CEMIP: variants seen among roughly 807,000 people sequenced by gnomAD.
CEMIP encodes cell migration-inducing and hyaluronan-binding protein.
Under a neutral mutation model 156.9 loss-of-function variants are expected in CEMIP, and 105 were observed. The ratio of observed to expected loss-of-function variants is 0.67; its 90% CI spans 0.57 to 0.79. The LOEUF is 0.79. Among genes scored for constraint, CEMIP ranks in the 30% least tolerant of loss-of-function variants. The probability of loss-of-function intolerance (pLI) is 0.00; values close to 1 mark genes in which losing one functional copy is unlikely to be tolerated. For missense variants in CEMIP, 1,457 were observed against 1,769.4 expected (o/e 0.82, Z 3.17); for synonymous variants, 676 against 668.4 (o/e 1.01, Z -0.17).
chr15:80,782,155 C>T (rs1895815015), intron 1 of CEMIP, among the ~76,000 whole-genome samples: 1 of 152,230 alleles, frequency 6.6e-6, no homozygotes, highest in Non-Finnish European at 1.5e-5. Flanking sequence ...TCTCACAGCC[C>T]TCTGGTTCAG....
At chr15:80,902,273 C>CCCCTCTGCTT (rs1234323495) in intron 12 of CEMIP, among the ~76,000 whole-genome samples, 1 of 152,218 alleles carries the variant, frequency 6.6e-6, no homozygotes, top group African/African-American at 2.4e-5. Context: ...CTGTGCAGAG[C>CCCCTCTGCTT]CCCTCTGCTT....
intron 1 of CEMIP, among the ~76,000 whole-genome samples, chr15:80,819,217 C>G (rs1419647574): frequency 6.6e-6 from 1 of 152,228 alleles, no homozygotes; most frequent in African/African-American, 2.4e-5. Flanking sequence ...CTTCAACTGG[C>G]CTCACTCATT....
rs140280091 is a variant in CEMIP, at chr15:80,781,273, G to A, written c.-176+1659G>A. Among the ~76,000 whole-genome samples, 9 of 152,316 alleles carry A rather than the reference G, an allele frequency of 5.9e-5. No homozygotes were observed. In the East Asian group the frequency reaches 1.7e-3, roughly 29 times the overall value. The stretch of plus-strand genomic sequence containing the variant: ...TTACGATTAATGATAGAATGGAGAA[G>A]AAATCAAATAGAGCAAATTTATAGA... On this transcript the variant is annotated intron_variant, in intron 1 of 29. Coordinates refer to ENST00000394685, the MANE Select transcript of CEMIP (RefSeq NM_001293298.2).
intron 1 of CEMIP, among the ~76,000 whole-genome samples, chr15:80,843,562 A>G (rs983444039): frequency 1.3e-5 from 2 of 152,206 alleles, no homozygotes; most frequent in African/African-American, 2.4e-5. Context: ...ACCCACCCAC[A>G]TCAGTCTATA....
intron 28 of CEMIP, 117 bp from the exon 29 acceptor site, chr15:80,946,848 C>T (rs1901576680): frequency 2.7e-6 from 2 of 731,262 alleles, no homozygotes; most frequent in Non-Finnish European, 5.0e-6. Context: ...AATCCCTGGA[C>T]AGGCCTCTGG....
intron 1 of CEMIP, among the ~76,000 whole-genome samples, chr15:80,838,984 A>G (rs533467546): frequency 6.6e-6 from 1 of 152,328 alleles, no homozygotes; most frequent in South Asian, 2.1e-4. Flanking sequence ...GGTTTAAGTC[A>G]CAGGGTGTCC....
intron 14 of CEMIP, chr15:80,909,615 C>T (rs1200527265): frequency 1.0e-5 from 5 of 486,448 alleles, no homozygotes; most frequent in Admixed American, 9.2e-5. Flanking sequence ...CACGGCCACA[C>T]AGCATGACAG....
At chr15:80,938,429 AC>A (rs1201333632) in intron 25 of CEMIP, among the ~76,000 whole-genome samples, 1 of 152,024 alleles carries the variant, frequency 6.6e-6, no homozygotes, top group Non-Finnish European at 1.5e-5. Flanking sequence ...ACATGGTGAA[AC>A]CCCGTCTCTA....
chr15:80,910,759 T>C (rs1238538192), intron 14 of CEMIP, among the ~76,000 whole-genome samples: 2 of 152,096 alleles, frequency 1.3e-5, no homozygotes, highest in Non-Finnish European at 2.9e-5. Context: ...ACCAAACACA[T>C]AGGGCTGTCG....
rs36095631 is a variant in CEMIP, at chr15:80,931,972, G to A, written c.2726G>A (p.Arg909His). Residue 909 changes from arginine to histidine, a missense_variant, in exon 22 of 30, where the codon CGC (arginine) becomes CAC (histidine). Transcript: ENST00000394685. ...EGRHTSALAF[R>H]LNNAWQSCPH... is the part of the protein sequence containing the mutation. ...CGGCACACCAGCGCCCTGGCCTTCC[G>A]CCTGAATAATGCCTGGCAGAGCTGC... The A allele has an allele frequency of 5.3e-5, 85 of 1,614,160 alleles. No homozygotes were observed. In the African/African-American group the frequency reaches 9.3e-4, roughly 18 times the overall value.
intron 11 of CEMIP, among the ~76,000 whole-genome samples, chr15:80,895,601 G>T (rs1033441795): frequency 3.3e-5 from 5 of 152,144 alleles, no homozygotes; most frequent in Non-Finnish European, 5.9e-5. Flanking sequence ...AGCAAAGTGG[G>T]TGGGGTGAGG....
intron 1 of CEMIP, among the ~76,000 whole-genome samples, chr15:80,801,720 G>A (rs1306791208): frequency 6.6e-6 from 1 of 152,140 alleles, no homozygotes; most frequent in Non-Finnish European, 1.5e-5. Context: ...CTTTGATAGA[G>A]GTACTTACTC....
intron 1 of CEMIP, among the ~76,000 whole-genome samples, chr15:80,786,237 C>A (rs1474656068): frequency 2.0e-5 from 3 of 151,978 alleles, no homozygotes; most frequent in Admixed American, 2.0e-4. Flanking sequence ...GTTGCTATGT[C>A]TTTTTGTTTT....
chr15:80,937,678 C>A, intron 24 of CEMIP, 116 bp from the exon 25 acceptor site: 1 of 925,898 alleles, frequency 1.1e-6, no homozygotes, highest in Non-Finnish European at 1.8e-6. Flanking sequence ...ATTTCCCATA[C>A]AAAAGTGGAG....
chr15:80,857,783 T>A (rs982216523), intron 1 of CEMIP, among the ~76,000 whole-genome samples: 1 of 152,146 alleles, frequency 6.6e-6, no homozygotes. Context: ...CATTAGTGAA[T>A]ATATGATTAT....
intron 1 of CEMIP, among the ~76,000 whole-genome samples, chr15:80,834,965 A>T (rs2141688050): frequency 6.6e-6 from 1 of 152,334 alleles, no homozygotes; most frequent in Non-Finnish European, 1.5e-5. Flanking sequence ...TTTAAAAAAA[A>T]GAGCATGTGG....
At chr15:80,833,871 T>C (rs1596120540) in intron 1 of CEMIP, among the ~76,000 whole-genome samples, 1 of 152,142 alleles carries the variant, frequency 6.6e-6, no homozygotes, top group East Asian at 1.9e-4. Context: ...GGTTTTGCCA[T>C]GTTGGCCAGG....
At chr15:80,948,712 GC>G in intron 29 of CEMIP, 84 bp from the exon 30 acceptor site, 1 of 1,580,574 alleles carries the variant, frequency 6.3e-7, no homozygotes, top group Non-Finnish European at 8.7e-7. Context: ...GGCGTGGGGG[GC>G]TGGCGATGGG....
At chr15:80,843,081 A>G (rs1284450411) in intron 1 of CEMIP, among the ~76,000 whole-genome samples, 1 of 152,198 alleles carries the variant, frequency 6.6e-6, no homozygotes, top group Non-Finnish European at 1.5e-5. Flanking sequence ...ACCAGGTAGA[A>G]CCATCCCATA....
Sources: allele counts gnomAD v4.1 joint callset (sites outside exome capture counted in the v4.1 genomes callset), GRCh38; gene constraint gnomAD v4.1.1; transcripts MANE v1.5; gene names NCBI Gene and HGNC (gene_info 2026-07-23, HGNC 2026-07-21).